The following SEC16B variants were observed in gnomAD, a reference collection of about 807,000 sequenced individuals.
SEC16B encodes the protein protein transport protein Sec16B.
SEC16B carries 115 observed loss-of-function variants against 141.8 expected under a neutral mutation model. The observed-to-expected ratio is 0.81, with a 90% CI of 0.70 to 0.95. The LOEUF (loss-of-function observed/expected upper bound fraction) is 0.95, where lower values mean the gene tolerates loss of function less well. Among genes scored for constraint, SEC16B ranks in the 40% least tolerant of loss-of-function variants. The probability of loss-of-function intolerance (pLI) is 0.00; values close to 1 mark genes in which losing one functional copy is unlikely to be tolerated. For synonymous variants in SEC16B, 493 were observed against 492.5 expected (o/e 1.00, Z -0.01); for missense variants, 1,291 against 1,312.3 (o/e 0.98, Z 0.25).
intron 12 of SEC16B, among the ~76,000 whole-genome samples, chr1:177,951,084 A>T (rs1008908051): frequency 6.6e-6 from 1 of 152,134 alleles, no homozygotes; most frequent in Non-Finnish European, 1.5e-5. Context: ...AGAATAAAAA[A>T]TTATTAAAGA....
intron 17 of SEC16B, among the ~76,000 whole-genome samples, chr1:177,940,331 C>T (rs1353006880): frequency 3.3e-5 from 5 of 152,128 alleles, no homozygotes; most frequent in Non-Finnish European, 5.9e-5. Context: ...TCTCTGGGGC[C>T]TCAGGGAAGG....
At chr1:177,960,273 T>C (rs1248114564) in intron 8 of SEC16B, 69 bp downstream of exon 8, 1 of 1,004,604 alleles carries the variant, frequency 1.0e-6, no homozygotes, top group Non-Finnish European at 1.5e-6. Context: ...ATCTCCAAAA[T>C]GCTGATCTGG....
At chr1:177,938,750 C>T (rs1432529585) in intron 18 of SEC16B, among the ~76,000 whole-genome samples, 2 of 152,204 alleles carry the variant, frequency 1.3e-5, no homozygotes, top group Admixed American at 1.3e-4. Context: ...TCTTTAAGGA[C>T]TTCCTGATGG....
In SEC16B at chr1:177,969,225, G is replaced by A. The variant is rs183745955; in HGVS notation, c.-59+659C>T. 1.8e-3 allele frequency among the ~76,000 whole-genome samples: 270 copies of A among 152,288 alleles called. 1 individual carries two copies. Among genetic ancestry groups the A allele is most frequent in the Admixed American group, 0.013 (203 of 15,298 alleles). On this transcript the variant is annotated intron_variant, in intron 1 of 25. Transcript: ENST00000308284. ...TCAGAACAAAAGGTCAAAAGAGTGG[G>A]TGTTGAAATTGAGACGTCACTCTGC...
intron 20 of SEC16B, among the ~76,000 whole-genome samples, chr1:177,934,016 T>C (rs1268201631): frequency 6.7e-6 from 1 of 148,616 alleles, no homozygotes; most frequent in Non-Finnish European, 1.5e-5. Context: ...AAACAGAGAA[T>C]GTAGCAACCA....
At chr1:177,947,692 C>T (rs79690798) in intron 13 of SEC16B, 133 bp downstream of exon 13, 75,295 of 423,082 alleles carry the variant, frequency 0.18, 5,533 homozygotes, top group Middle Eastern at 0.25. Flanking sequence ...CTGACCTGGA[C>T]GGGGAGGGGA....
At chr1:177,932,933 AC>A (rs1008782631) in intron 22 of SEC16B, 127 bp from the exon 23 acceptor site, 6 of 868,516 alleles carry the variant, frequency 6.9e-6, no homozygotes, top group Non-Finnish European at 5.5e-6. Flanking sequence ...ACTCCCCAAA[AC>A]CCCCCTCCTC....
At chr1:177,968,167 G>A (rs1389383248) in intron 1 of SEC16B, 128 bp from the exon 2 acceptor site, 6 of 506,182 alleles carry the variant, frequency 1.2e-5, no homozygotes, top group Non-Finnish European at 1.7e-5. Flanking sequence ...ATATGGTCAC[G>A]GATACAGAGA....
rs1571300270 is a variant in SEC16B at position 177,929,277 on chromosome 1, A to C, written c.*581T>G. On this transcript the variant is annotated 3_prime_UTR_variant, in exon 26 of 26. Coordinates refer to ENST00000308284, the MANE Select transcript of SEC16B (RefSeq NM_033127.4). Reference sequence around the variant, plus strand: ...AGTGAGAGAAATATAATTAATCTGAACCACATTCAAAAAAATGTGCACAAA... The same window carrying C: ...AGTGAGAGAAATATAATTAATCTGACCCACATTCAAAAAAATGTGCACAAA... The C allele has an allele frequency of 6.4e-6, 1 of 155,238 alleles. No individual in the cohort carries two copies. The highest frequency in any genetic ancestry group is 1.9e-4 in the East Asian group (1 of 5,222). The allele number at this position is 155,238 out of a possible 1,614,324, so 9.6% of individuals were successfully genotyped here.
At position 177,932,472 on chromosome 1, in the gene SEC16B, C is replaced by A. The variant is rs1469183714; in HGVS notation, c.3012+18G>T. On this transcript the variant is annotated intron_variant, in intron 24 of 25. Transcript: ENST00000308284. ...CATCTGCTGGGGTCCGAGGCTCCAG[C>A]CCAGGGGGGCCGCTTACCTCTGGTC... 4 of 1,517,262 alleles carry A rather than the reference C, an allele frequency of 2.6e-6. No homozygotes were observed. Among genetic ancestry groups the A allele is most frequent in the South Asian group, 1.3e-5 (1 of 78,140 alleles). 94.0% of individuals were successfully genotyped at this position (1,517,262 alleles called of 1,614,324 possible).
chr1:177,946,533 T>C lies in SEC16B; in HGVS notation c.1664-2A>G. 2 of 1,567,394 alleles carry C rather than the reference T, an allele frequency of 1.3e-6. No individual in the cohort carries two copies. The highest frequency in any genetic ancestry group is 8.6e-7 in the Non-Finnish European group (1 of 1,156,498). ...CTGCCTCCACAAGCCCCTTCCCAGC[T>C]GCGGGAGGAAGAGAACAAGACCCAA... On this transcript the variant is annotated splice_acceptor_variant, in intron 13 of 25. Transcript: ENST00000308284. LOFTEE classifies it high-confidence loss of function.
chr1:177,944,816 AC>A (rs1651557054), intron 14 of SEC16B, 150 bp from the exon 15 acceptor site: 1 of 579,242 alleles, frequency 1.7e-6, no homozygotes, highest in Non-Finnish European at 3.0e-6. Flanking sequence ...GAAGAAGGAG[AC>A]TCTGGGCTCC....
At chr1:177,935,950 A>G (rs917797175) in intron 20 of SEC16B, among the ~76,000 whole-genome samples, 2 of 152,226 alleles carry the variant, frequency 1.3e-5, no homozygotes, top group Non-Finnish European at 2.9e-5. Context: ...TAAAAATTAA[A>G]ACAAGGAAAT....
intron 9 of SEC16B, 136 bp from the exon 10 acceptor site, chr1:177,958,498 G>A: frequency 3.0e-6 from 2 of 661,800 alleles, no homozygotes; most frequent in Non-Finnish European, 2.5e-6. Flanking sequence ...GCAGTCCTTT[G>A]TTAGATTGCT....
intron 18 of SEC16B, among the ~76,000 whole-genome samples, chr1:177,939,287 A>G (rs1290798785): frequency 6.6e-6 from 1 of 152,310 alleles, no homozygotes; most frequent in Middle Eastern, 3.4e-3. Context: ...TTATTCCACA[A>G]TCATCTGGCA....
chr1:177,976,523 T>C (rs1050038971), intron 1 of SEC16B, among the ~76,000 whole-genome samples: 2 of 152,178 alleles, frequency 1.3e-5, no homozygotes, highest in Admixed American at 1.3e-4. Flanking sequence ...GTTGTCCAGG[T>C]GTGAATCCCA....
chr1:177,929,609 TCTG>T lies in SEC16B; in HGVS notation c.*246_*248del. On this transcript the variant is annotated 3_prime_UTR_variant, in exon 26 of 26. Transcript: ENST00000308284. ...ACCATGTCACTCTGCTCATGTGCAG[TCTG>T]CTATTAGACCCAGACTTTCCACCTG... is the stretch of plus-strand genomic sequence containing the variant. 2 of 504,622 alleles carry T rather than the reference TCTG, an allele frequency of 4.0e-6. No individual in the cohort carries two copies. The highest frequency in any genetic ancestry group is 7.2e-6 in the Non-Finnish European group (2 of 277,490). The allele number at this position is 504,622 out of a possible 1,614,324, so 31.3% of individuals were successfully genotyped here. A position where few individuals can be genotyped will look rare whatever the true frequency, so the allele number is the denominator to read the frequency against.
intron 13 of SEC16B, among the ~76,000 whole-genome samples, chr1:177,947,211 T>C (rs1024073645): frequency 1.3e-5 from 2 of 152,232 alleles, no homozygotes; most frequent in Non-Finnish European, 2.9e-5. Context: ...CTGGATGCTC[T>C]GCTTCTTGGC....
At chr1:177,944,267 C>G (rs10913468) in intron 15 of SEC16B, among the ~76,000 whole-genome samples, 54,140 of 151,996 alleles carry the variant, frequency 0.36, 9,707 homozygotes, top group Non-Finnish European at 0.38. Flanking sequence ...GGAGAAGGAG[C>G]TGACAGCAGG....
Sources: gnomAD v4.1 joint callset for allele counts (sites outside exome capture counted in the v4.1 genomes callset) on GRCh38, gnomAD v4.1.1 for gene constraint, MANE v1.5 for transcripts, NCBI Gene and HGNC (gene_info 2026-07-23, HGNC 2026-07-21) for gene names.